TNK2: variants seen among roughly 807,000 people sequenced by gnomAD.
TNK2 encodes tyrosine kinase non receptor 2.
Under a neutral mutation model 101.8 loss-of-function variants are expected in TNK2, and 83 were observed. That is an observed-to-expected ratio of 0.82 (90% CI 0.68 to 0.98). The LOEUF (loss-of-function observed/expected upper bound fraction) is 0.98. TNK2 is among the 50% of genes least tolerant of loss of function. TNK2 has a pLI of 0.00. For synonymous variants in TNK2, 804 were observed against 633.0 expected (o/e 1.27, Z -4.06); for missense variants, 1,665 against 1,483.2 (o/e 1.12, Z -2.01).
At chr3:195,899,549 C>T (rs1478138662) in intron 1 of TNK2, among the ~76,000 whole-genome samples, 9 of 152,152 alleles carry the variant, frequency 5.9e-5, no homozygotes, top group African/African-American at 1.9e-4. Context: ...CCAGGATGGT[C>T]TCGATCTCCT....
chr3:195,887,746 TG>T (rs1756370094), intron 2 of TNK2, among the ~76,000 whole-genome samples: 1 of 150,528 alleles, frequency 6.6e-6, no homozygotes, highest in Non-Finnish European at 1.5e-5. Flanking sequence ...TGCGTGTGTG[TG>T]CACACGCGTG....
intron 15 of TNK2, among the ~76,000 whole-genome samples, chr3:195,866,414 T>G (rs1740886752): frequency 6.6e-6 from 1 of 152,218 alleles, no homozygotes; most frequent in African/African-American, 2.4e-5. Context: ...TTGGCCAGGC[T>G]GGTCTCGAAC....
In TNK2 at chr3:195,905,442, G is replaced by A. The variant is rs1026727597; in HGVS notation, c.-19+3043C>T. Among the ~76,000 whole-genome samples the A allele has an allele frequency of 3.3e-5, 5 of 151,872 alleles. No homozygotes were observed. In the South Asian group the frequency reaches 6.2e-4, roughly 19 times the overall value. On this transcript the variant is annotated intron_variant, in intron 1 of 15. Transcript: ENST00000672887. ...CCTTGAACTCCTGACCTCATGATCC[G>A]CCCGCCTCAGCCTCCCAAAGCACTG...
intron 1 of TNK2, among the ~76,000 whole-genome samples, chr3:195,903,587 G>A (rs890178602): frequency 3.3e-5 from 5 of 151,920 alleles, no homozygotes; most frequent in African/African-American, 4.8e-5. Flanking sequence ...TGTGGTGGTG[G>A]GTGCCTGTAA....
At chr3:195,892,926 TCCTC>T (rs893305730) in intron 1 of TNK2, 16 of 212,228 alleles carry the variant, frequency 7.5e-5, no homozygotes, top group Non-Finnish European at 2.5e-5. Context: ...GGGGGACTCT[TCCTC>T]CCAGCCACCC....
Position 195,868,402 on chromosome 3 carries a change from G to A in TNK2, c.1896C>T (p.His632=). The A allele has an allele frequency of 6.3e-7, 1 of 1,585,328 alleles. No homozygotes were observed. The highest frequency in any genetic ancestry group is 8.5e-7 in the Non-Finnish European group (1 of 1,171,740). The change falls in exon 13 of 16, where the codon CAC becomes CAT. Residue 632 remains histidine (H), a synonymous_variant. Coordinates refer to ENST00000672887, the MANE Select transcript of TNK2 (RefSeq NM_001382273.1). ...CGTCCCAGTCCACCACAGGCGTGGG[G>A]TGCAGGGGCCGGGGCAGTGCCCGCG... ...SPTRALPRPL[H]PTPVVDWDAR... is the part of the protein sequence containing the mutation.
In TNK2 at chr3:195,878,146, G is replaced by T; in HGVS notation, c.1256+107C>A. 1 of 1,212,240 alleles carries T rather than the reference G, an allele frequency of 8.2e-7. No homozygotes were observed. Among genetic ancestry groups the T allele is most frequent in the Non-Finnish European group, 1.2e-6 (1 of 824,652 alleles). The allele number at this position is 1,212,240 out of a possible 1,614,324, so 75.1% of individuals were successfully genotyped here. A position where few individuals can be genotyped will look rare whatever the true frequency, so the allele number is the denominator to read the frequency against. ...AGGGTTCAGGCCCAACCGCCAGCCT[G>T]TATGTGGCCAAGGGAATCTTGGAGG... On this transcript the variant is annotated intron_variant, in intron 9 of 15. Transcript: ENST00000672887. The surrounding 1 kb of genome is among the most constrained non-coding windows in gnomAD (Gnocchi z 4.7).
In TNK2 at chr3:195,872,396, G is replaced by T; in HGVS notation, c.1331C>A (p.Thr444Asn). The change falls in exon 10 of 16, where the codon ACC (threonine) becomes AAC (asparagine). Residue 444 changes from threonine (T) to asparagine (N), a missense_variant. By Grantham distance (65) the Thr-to-Asn change is moderately conservative. This residue lies in a region of TNK2 where 1,136 missense variants were observed against 894.9 expected (regional missense o/e 1.27). Transcript: ENST00000672887. ...CVGPFPRNVV[T>N]SVAGLSAQDI... ...CTGGGCCGACAGGCCGGCCACGGAG[G>T]TCACCACGTTGCGAGGGAAGGGCCC... 1 of 1,613,346 alleles carries T rather than the reference G, an allele frequency of 6.2e-7. No homozygotes were observed. Among genetic ancestry groups the T allele is most frequent in the Non-Finnish European group, 8.5e-7 (1 of 1,179,878 alleles).
At chr3:195,870,578 T>C (rs1022117140) in intron 10 of TNK2, among the ~76,000 whole-genome samples, 2 of 152,176 alleles carry the variant, frequency 1.3e-5, no homozygotes, top group Non-Finnish European at 2.9e-5. Context: ...GCATCCCAGC[T>C]ATGGTGCCCA....
rs1183274048 is a variant in TNK2 at position 195,882,828 on chromosome 3, A to G, written c.609+329T>C. On this transcript the variant is annotated intron_variant, in intron 5 of 15. Coordinates refer to ENST00000672887, the MANE Select transcript of TNK2 (RefSeq NM_001382273.1). This position sits in a 1 kb window ranked among gnomAD's most constrained non-coding sequence, Gnocchi z 4.2. ...AGCCTAGATCATGCCATTGCACTCCAGCCTGGGCGACAAAGTGAGACTCCA... is the reference window on the plus strand; with the variant it reads ...AGCCTAGATCATGCCATTGCACTCCGGCCTGGGCGACAAAGTGAGACTCCA... Among the ~76,000 whole-genome samples, 1 of 152,210 alleles carries G rather than the reference A, an allele frequency of 6.6e-6. No homozygotes were observed. The highest frequency in any genetic ancestry group is 1.5e-5 in the Non-Finnish European group (1 of 68,024).
intron 1 of TNK2, chr3:195,892,758 C>T (rs895758458): frequency 1.0e-5 from 13 of 1,267,434 alleles, no homozygotes; most frequent in Non-Finnish European, 1.3e-5. Flanking sequence ...CACAGTCCAG[C>T]CCTACTCCCC....
At chr3:195,866,462 C>T (rs1740908527) in intron 15 of TNK2, among the ~76,000 whole-genome samples, 1 of 152,186 alleles carries the variant, frequency 6.6e-6, no homozygotes, top group African/African-American at 2.4e-5. Flanking sequence ...TGGCCTCCCA[C>T]AGTGCTGGGG....
At chr3:195,865,415 T>G (rs1053215941) in intron 15 of TNK2, among the ~76,000 whole-genome samples, 2 of 134,930 alleles carry the variant, frequency 1.5e-5, no homozygotes, top group Non-Finnish European at 3.1e-5. Context: ...GCGTCCCGGG[T>G]GCAAATCAGT....
At position 195,882,081 on chromosome 3, in the gene TNK2, A is replaced by C; in HGVS notation, c.857T>G (p.Met286Arg). ...ALPQNDDHYV[M>R]QEHRKVPFAW... ...GAAGGGCACCTTGCGATGTTCCTGC[A>C]TGACGTAATGGTCGTCATTCTGAGG... The change falls in exon 6 of 16, where the codon ATG becomes AGG. Residue 286 changes from methionine (M) to arginine (R), a missense_variant. Physicochemically the swap from Met to Arg is moderately conservative, Grantham distance 91. This residue lies in a region of TNK2 where 490 missense variants were observed against 522.5 expected (regional missense o/e 0.94). Coordinates refer to ENST00000672887, the MANE Select transcript of TNK2 (RefSeq NM_001382273.1). This position sits in a 1 kb window ranked among gnomAD's most constrained non-coding sequence, Gnocchi z 4.2. The C allele has an allele frequency of 6.8e-6, 11 of 1,612,216 alleles. No individual in the cohort carries two copies. The highest frequency in any genetic ancestry group is 9.3e-6 in the Non-Finnish European group (11 of 1,178,734).
At chr3:195,899,333 AT>A (rs113651392) in intron 1 of TNK2, among the ~76,000 whole-genome samples, 1,514 of 147,050 alleles carry the variant, frequency 0.01, 24 homozygotes, top group African/African-American at 0.034. Flanking sequence ...AGCCAAAATA[AT>A]TTTTTTTTTT....
rs1755448825 is a variant in TNK2, at chr3:195,886,046, A to C, written c.234+931T>G. ...GTGCCTCCTGCAGCCCCGGGAGGTG[A>C]GCTGGGCAGTGGGGACCGGTATCAT... On this transcript the variant is annotated intron_variant, in intron 3 of 15. Coordinates refer to ENST00000672887, the MANE Select transcript of TNK2 (RefSeq NM_001382273.1). The surrounding 1 kb of genome is among the most constrained non-coding windows in gnomAD (Gnocchi z 4.2). 6.3e-6 allele frequency: 1 copy of C among 159,870 alleles called. No homozygotes were observed. Among genetic ancestry groups the C allele is most frequent in the Non-Finnish European group, 1.4e-5 (1 of 73,060 alleles). The allele number at this position is 159,870 out of a possible 1,614,324, so 9.9% of individuals were successfully genotyped here.
chr3:195,879,222 T>G, intron 6 of TNK2, 47 bp from the exon 7 acceptor site: 1 of 1,607,754 alleles, frequency 6.2e-7, no homozygotes, highest in Middle Eastern at 1.7e-4. Flanking sequence ...ACACCCTACC[T>G]GCGTCCGCCC....
chr3:195,869,849 A>AG, intron 11 of TNK2: 1 of 557,732 alleles, frequency 1.8e-6, no homozygotes, highest in East Asian at 2.9e-5. Flanking sequence ...CCAGGATCTG[A>AG]GCTCGGCCGT....
At position 195,884,846 on chromosome 3, in the gene TNK2, C is replaced by A. The variant is rs768970594; in HGVS notation, c.422G>T (p.Arg141Leu). The A allele has an allele frequency of 3.1e-6, 5 of 1,612,870 alleles. No individual in the cohort carries two copies. The Admixed American group carries it at 6.7e-5, about 22-fold the overall frequency. The change falls in exon 4 of 16, where the codon CGC becomes CTC. Residue 141 changes from arginine to leucine, a missense_variant. Arg to Leu is a moderately radical substitution (Grantham distance 102, BLOSUM62 -2). Around this residue, in one of 3 missense-constraint regions of TNK2, gnomAD observed 490 missense variants for 522.5 expected, o/e 0.94. Transcript: ENST00000672887. ...TGAGGGCGCGTCCCACTCGCCCCTG[C>A]GCACCACGCCAAAGGAACCATCACC... ...KLGDGSFGVV[R>L]RGEWDAPSGK... is the part of the protein sequence containing the mutation.
Sources: gnomAD v4.1 joint callset for allele counts (sites outside exome capture counted in the v4.1 genomes callset) on GRCh38, gnomAD v4.1.1 for gene constraint, gnomAD v4.1.1 regional missense constraint, Gnocchi (gnomAD v3.1) non-coding constraint, MANE v1.5 for transcripts, NCBI Gene and HGNC (gene_info 2026-07-23, HGNC 2026-07-21) for gene names.